RFX4: variants seen among roughly 807,000 people sequenced by gnomAD.
RFX4 encodes the protein regulatory factor X4, also known as transcription factor RFX4.
RFX4 carries 10 observed loss-of-function variants against 95.0 expected under a neutral mutation model. That is an observed-to-expected ratio of 0.11 (90% CI 0.06 to 0.18). The LOEUF (loss-of-function observed/expected upper bound fraction) is 0.18, where lower values mean the gene tolerates loss of function less well. Among genes scored for constraint, RFX4 ranks in the 10% least tolerant of loss-of-function variants. RFX4 has a pLI of 1.00. For synonymous variants in RFX4, 321 were observed against 340.7 expected (o/e 0.94, Z 0.64); for missense variants, 640 against 922.0 (o/e 0.69, Z 3.96).
rs185786211 is a variant in RFX4 at position 106,668,889 on chromosome 12, G to A, written c.316-13104G>A. On this transcript the variant is annotated intron_variant, in intron 4 of 17. Coordinates refer to ENST00000392842, the MANE Select transcript of RFX4 (RefSeq NM_213594.3). ...CAATTTGCTGAACTTTTCAGGAAAA[G>A]GCTGGCTTATGGATAGGCACTAGAT... is the stretch of plus-strand genomic sequence containing the variant. 4.7e-3 allele frequency among the ~76,000 whole-genome samples: 709 copies of A among 152,314 alleles called. 5 individuals carry two copies. The highest frequency in any genetic ancestry group is 0.015 in the African/African-American group (644 of 41,566).
chr12:106,672,789 C>A (rs2041311505), intron 4 of RFX4, among the ~76,000 whole-genome samples: 1 of 151,480 alleles, frequency 6.6e-6, no homozygotes, highest in African/African-American at 2.4e-5. Context: ...AAGCCAAACC[C>A]CCTTCCCACA....
At chr12:106,647,100 C>A (rs2040762775) in intron 3 of RFX4, among the ~76,000 whole-genome samples, 1 of 152,222 alleles carries the variant, frequency 6.6e-6, no homozygotes, top group Admixed American at 6.5e-5. Context: ...ATCTCCCTAG[C>A]TCCCATCTTC....
Position 106,676,851 on chromosome 12 carries a change from C to T in RFX4, c.316-5142C>T, listed in dbSNP as rs377372824. ...CCAATGTGTAAATGTAGGAATATGA[C>T]ATAAAAGAAATAAAGGTTACTGTTA... On this transcript the variant is annotated intron_variant, in intron 4 of 17. Transcript: ENST00000392842. 1.2e-4 allele frequency among the ~76,000 whole-genome samples: 18 copies of T among 152,288 alleles called. No individual in the cohort carries two copies. The South Asian group carries it at 3.7e-3, about 32-fold the overall frequency.
chr12:106,601,168 C>G, intron 1 of RFX4: 3 of 1,504,116 alleles, frequency 2.0e-6, no homozygotes, highest in Non-Finnish European at 2.7e-6. Context: ...CCTGAGCCAC[C>G]CCCTGGAGAG....
At chr12:106,648,643 T>G (rs1052114540) in intron 3 of RFX4, among the ~76,000 whole-genome samples, 1 of 150,656 alleles carries the variant, frequency 6.6e-6, no homozygotes, top group African/African-American at 2.4e-5. Context: ...TTTTTTTTTT[T>G]TGGTAAAAGA....
chr12:106,617,101 T>C (rs2040087829), intron 2 of RFX4, among the ~76,000 whole-genome samples: 1 of 152,160 alleles, frequency 6.6e-6, no homozygotes, highest in African/African-American at 2.4e-5. Flanking sequence ...ATGTTGATGT[T>C]CTTTCATTTT....
At chr12:106,598,768 T>C (rs2039656607) in intron 1 of RFX4, among the ~76,000 whole-genome samples, 1 of 151,970 alleles carries the variant, frequency 6.6e-6, no homozygotes, top group African/African-American at 2.4e-5. Context: ...GAAAAGGCAA[T>C]GATGTCAAGG....
At chr12:106,608,636 C>A (rs933769727) in intron 1 of RFX4, among the ~76,000 whole-genome samples, 161 bp from the exon 2 acceptor site, 1 of 152,218 alleles carries the variant, frequency 6.6e-6, no homozygotes, top group African/African-American at 2.4e-5. Flanking sequence ...GAACTCCATG[C>A]AAAATCCCAT....
At chr12:106,680,120 C>G (rs1007696230) in intron 4 of RFX4, among the ~76,000 whole-genome samples, 2 of 152,180 alleles carry the variant, frequency 1.3e-5, no homozygotes, top group Admixed American at 6.5e-5. Flanking sequence ...ATTTTAAAAG[C>G]CTTTTTTACT....
At chr12:106,626,947 C>G (rs1489604323) in intron 2 of RFX4, among the ~76,000 whole-genome samples, 1 of 152,148 alleles carries the variant, frequency 6.6e-6, no homozygotes, top group African/African-American at 2.4e-5. Flanking sequence ...CACACACATG[C>G]ATGTGTGCAT....
intron 3 of RFX4, 49 bp from the exon 4 acceptor site, chr12:106,654,179 C>T: frequency 1.2e-6 from 2 of 1,612,608 alleles, no homozygotes; most frequent in Non-Finnish European, 1.7e-6. Flanking sequence ...ACCGTTCTTG[C>T]TTGGGGAAGG....
intron 8 of RFX4, among the ~76,000 whole-genome samples, chr12:106,705,929 G>A (rs189282037): frequency 1.6e-3 from 240 of 152,350 alleles, no homozygotes; most frequent in African/African-American, 5.3e-3. Context: ...TCTGCATGAA[G>A]GGTACAGTGA....
At chr12:106,599,892 G>A (rs1390542275) in intron 1 of RFX4, among the ~76,000 whole-genome samples, 4 of 152,026 alleles carry the variant, frequency 2.6e-5, no homozygotes. Context: ...AGGTTTGGAT[G>A]ATAAGGGATA....
At chr12:106,609,346 G>C (rs1394529847) in intron 2 of RFX4, among the ~76,000 whole-genome samples, 3 of 152,352 alleles carry the variant, frequency 2.0e-5, no homozygotes, top group East Asian at 3.9e-4. Flanking sequence ...TTAACTGAAA[G>C]ATGTATCATC....
chr12:106,728,967 A>G (rs1021917776), intron 13 of RFX4, among the ~76,000 whole-genome samples: 1 of 152,206 alleles, frequency 6.6e-6, no homozygotes, highest in Non-Finnish European at 1.5e-5. Flanking sequence ...GATCAGAGGC[A>G]TTAATGAAGA....
intron 2 of RFX4, among the ~76,000 whole-genome samples, chr12:106,614,476 C>CGTGTGTGT (rs1337978270): frequency 3.1e-5 from 2 of 65,050 alleles, no homozygotes; most frequent in South Asian, 6.6e-4. Context: ...ACGTCTTTTG[C>CGTGTGTGT]CTGTGTGTGT....
intron 2 of RFX4, among the ~76,000 whole-genome samples, chr12:106,624,923 G>A (rs977941655): frequency 3.9e-5 from 6 of 152,106 alleles, no homozygotes; most frequent in Admixed American, 1.3e-4. Flanking sequence ...ATGCCTTCTC[G>A]GGGTGTGATT....
chr12:106,682,296 C>T (rs1199961366), intron 5 of RFX4: 6 of 539,944 alleles, frequency 1.1e-5, no homozygotes, highest in Non-Finnish European at 2.0e-5. Flanking sequence ...TTTGTACCAC[C>T]CTGCTTTTAG....
intron 9 of RFX4, among the ~76,000 whole-genome samples, chr12:106,711,052 T>A (rs113656745): frequency 6.6e-6 from 1 of 152,242 alleles, no homozygotes; most frequent in African/African-American, 2.4e-5. Context: ...TTAGACATAC[T>A]ACTTTTTAAA....
Sources: gnomAD v4.1 joint callset for allele counts (sites outside exome capture counted in the v4.1 genomes callset) on GRCh38, gnomAD v4.1.1 for gene constraint, MANE v1.5 for transcripts, NCBI Gene and HGNC (gene_info 2026-07-23, HGNC 2026-07-21) for gene names.